The following UGT1A10 variants were observed in gnomAD, a reference collection of about 807,000 sequenced individuals.
UGT1A10 encodes the protein UDP glucuronosyltransferase family 1 member A10.
Under a neutral mutation model 45.8 loss-of-function variants are expected in UGT1A10, and 49 were observed. The ratio of observed to expected loss-of-function variants is 1.07; its 90% CI spans 0.85 to 1.36. The LOEUF (loss-of-function observed/expected upper bound fraction) is 1.36. Among genes scored for constraint, UGT1A10 ranks in the 40% most tolerant of loss-of-function variants. The probability of loss-of-function intolerance (pLI) is 0.00; values close to 1 mark genes in which losing one functional copy is unlikely to be tolerated. For synonymous variants in UGT1A10, 284 were observed against 249.7 expected, an observed-to-expected ratio of 1.14 and a Z score of -1.29; for missense variants, 745 against 668.6, an observed-to-expected ratio of 1.11 and a Z score of -1.26.
intron 1 of UGT1A10, among the ~76,000 whole-genome samples, chr2:233,639,604 G>A (rs1337128577): frequency 2.0e-5 from 3 of 152,006 alleles, no homozygotes; most frequent in South Asian, 2.1e-4. Flanking sequence ...ACATGTATGT[G>A]TTTGTGTATG....
intron 1 of UGT1A10, among the ~76,000 whole-genome samples, chr2:233,684,564 A>G (rs758881146): frequency 1.3e-5 from 2 of 152,244 alleles, no homozygotes; most frequent in Non-Finnish European, 2.9e-5. Flanking sequence ...AGAGAGATCT[A>G]TAAAATATGA....
At position 233,637,492 on chromosome 2, in the gene UGT1A10, C is replaced by A. The variant is rs528951665; in HGVS notation, c.855+115C>A. The A allele has an allele frequency of 3.6e-5, 53 of 1,492,588 alleles. No individual in the cohort carries two copies. In the South Asian group the frequency reaches 6.9e-4, roughly 19 times the overall value. 92.5% of individuals were successfully genotyped at this position (1,492,588 alleles called of 1,614,324 possible). ...GTTTGTTGCATTTCAAATTTCTTTCCAGTTTAACAAATTATTTTGTGCGAA... is the reference window on the plus strand; with the variant it reads ...GTTTGTTGCATTTCAAATTTCTTTCAAGTTTAACAAATTATTTTGTGCGAA... On this transcript the variant is annotated intron_variant, in intron 1 of 4. Transcript: ENST00000344644.
At chr2:233,718,979 C>G (rs143900667) in intron 1 of UGT1A10, 274 of 1,614,174 alleles carry the variant, frequency 1.7e-4, no homozygotes, top group East Asian at 1.0e-3. Flanking sequence ...AGCTCCATGC[C>G]AGAGGCCACC....
intron 2 of UGT1A10, 76 bp from the exon 3 acceptor site, chr2:233,767,773 C>G: frequency 6.2e-7 from 1 of 1,611,908 alleles, no homozygotes; most frequent in Admixed American, 1.7e-5. Flanking sequence ...CCCCTGTTTT[C>G]TAGTTAGTAT....
At chr2:233,660,540 C>T (rs2073941912) in intron 1 of UGT1A10, among the ~76,000 whole-genome samples, 1 of 152,144 alleles carries the variant, frequency 6.6e-6, no homozygotes, top group African/African-American at 2.4e-5. Flanking sequence ...TTGTACTGGC[C>T]TTCTTGTTCT....
intron 1 of UGT1A10, among the ~76,000 whole-genome samples, chr2:233,689,708 T>C (rs1575441834): frequency 6.6e-6 from 1 of 152,206 alleles, no homozygotes; most frequent in Non-Finnish European, 1.5e-5. Context: ...TTTCCCCTTA[T>C]CTGAGGTCTG....
At chr2:233,716,951 C>A (rs2076535717) in intron 1 of UGT1A10, among the ~76,000 whole-genome samples, 1 of 152,156 alleles carries the variant, frequency 6.6e-6, no homozygotes, top group Non-Finnish European at 1.5e-5. Flanking sequence ...TTCCCAGGCA[C>A]CAGGAATGTG....
chr2:233,698,051 C>G (rs902797385), intron 1 of UGT1A10, among the ~76,000 whole-genome samples: 1 of 152,112 alleles, frequency 6.6e-6, no homozygotes, highest in Non-Finnish European at 1.5e-5. Context: ...AAGTTGTACT[C>G]AGTTATATTG....
chr2:233,752,746 A>AAAAC lies in UGT1A10; in HGVS notation c.856-14265_856-14262dup, dbSNP rs200752387. Among the ~76,000 whole-genome samples the AAAAC allele has an allele frequency of 7.8e-3, 1,184 of 152,306 alleles. 57 individuals carry two copies. In the East Asian group the frequency reaches 0.13, roughly 17 times the overall value. On this transcript the variant is annotated intron_variant, in intron 1 of 4. Transcript: ENST00000344644. ...AGCTACAGAGAGAGACCCTGTCTCTAAAACAAACAAACAAACAAACAAACA... is the reference window on the plus strand; with the variant it reads ...AGCTACAGAGAGAGACCCTGTCTCTAAAACAAACAAACAAACAAACAAACAAACA...
chr2:233,736,519 G>A (rs746723553), intron 1 of UGT1A10, among the ~76,000 whole-genome samples: 27 of 152,186 alleles, frequency 1.8e-4, no homozygotes, highest in African/African-American at 5.3e-4. Context: ...CTGTCAACTC[G>A]TCAAAGTCAT....
rs548391374 is a variant in UGT1A10 at position 233,743,280 on chromosome 2, T to C, written c.856-23754T>C. The C allele has an allele frequency of 1.0e-5, 5 of 493,342 alleles. No homozygotes were observed. In the East Asian group the frequency reaches 3.5e-4, roughly 34 times the overall value. The allele number at this position is 493,342 out of a possible 1,614,324, so 30.6% of individuals were successfully genotyped here. The stretch of plus-strand genomic sequence containing the variant: ...CATCTTCCTCCACTTCCACCCTTTC[T>C]TGGCCATTCTCAATGATTCTCTTGG... On this transcript the variant is annotated intron_variant, in intron 1 of 4. Coordinates refer to ENST00000344644, the MANE Select transcript of UGT1A10 (RefSeq NM_019075.4).
In UGT1A10 at chr2:233,706,530, AAC is replaced by A. The variant is rs1236374777; in HGVS notation, c.856-60500_856-60499del. Among the ~76,000 whole-genome samples, 8 of 152,328 alleles carry A rather than the reference AAC, an allele frequency of 5.3e-5. No homozygotes were observed. The East Asian group carries it at 1.3e-3, about 26-fold the overall frequency. ...GCTGAGGATTTTACAGCGGCTTAGA[AAC>A]ACAGCTTTTTTTCTAGGTGTTTCTC... On this transcript the variant is annotated intron_variant, in intron 1 of 4. Transcript: ENST00000344644.
chr2:233,760,811 T>G (rs72551341), intron 1 of UGT1A10: 1 of 1,613,198 alleles, frequency 6.2e-7, no homozygotes, highest in South Asian at 1.1e-5. Context: ...TTGCATGCAC[T>G]GCCATGCAGC....
In UGT1A10 at chr2:233,660,853, T is replaced by C. The variant is rs140196528; in HGVS notation, c.855+23476T>C. Among the ~76,000 whole-genome samples the C allele has an allele frequency of 6.9e-3, 1,055 of 152,266 alleles. 28 individuals are homozygous for C. The highest frequency in any genetic ancestry group is 0.057 in the Admixed American group (866 of 15,270). On this transcript the variant is annotated intron_variant, in intron 1 of 4. Coordinates refer to ENST00000344644, the MANE Select transcript of UGT1A10 (RefSeq NM_019075.4). ...GGGGTCTGGGAAGTCACCTGCTACC[T>C]CTTGTTTGGCAGAAGTTGCTTCTGT...
chr2:233,747,562 T>C (rs1237868574), intron 1 of UGT1A10: 2 of 1,595,464 alleles, frequency 1.3e-6, no homozygotes, highest in South Asian at 1.1e-5. Context: ...ATGGCAATTT[T>C]GAAAAATTCA....
At chr2:233,679,494 A>G (rs1200585007) in intron 1 of UGT1A10, among the ~76,000 whole-genome samples, 1 of 152,178 alleles carries the variant, frequency 6.6e-6, no homozygotes, top group Non-Finnish European at 1.5e-5. Context: ...TTCCTGCCTT[A>G]CATTCTGGTG....
At position 233,747,700 on chromosome 2, in the gene UGT1A10, A is replaced by G. The variant is rs538337941; in HGVS notation, c.856-19334A>G. On this transcript the variant is annotated intron_variant, in intron 1 of 4. Transcript: ENST00000344644. ...TACCTCTGTGGGGCAGTGCTGGCTA[A>G]GTACCTATCAATTCCTGCTGTGTTT... 8 of 1,612,196 alleles carry G rather than the reference A, an allele frequency of 5.0e-6. No individual in the cohort carries two copies. In the East Asian group the frequency reaches 8.9e-5, roughly 18 times the overall value.
chr2:233,716,449 C>T (rs2125648185), intron 1 of UGT1A10, among the ~76,000 whole-genome samples: 1 of 152,152 alleles, frequency 6.6e-6, no homozygotes, highest in Admixed American at 6.5e-5. Context: ...TTCATTTGGC[C>T]ATTTAAATTT....
Position 233,719,440 on chromosome 2 carries a change from T to G in UGT1A10, c.856-47594T>G, listed in dbSNP as rs2076766565. The G allele has an allele frequency of 3.7e-6, 6 of 1,613,928 alleles. No individual in the cohort carries two copies. In the East Asian group the frequency reaches 1.3e-4, roughly 36 times the overall value. ...ACGACCAATTCAGACCACATGACAT[T>G]CCTGCAAAGGGTCAAGAACATGCTC... On this transcript the variant is annotated intron_variant, in intron 1 of 4. Coordinates refer to ENST00000344644, the MANE Select transcript of UGT1A10 (RefSeq NM_019075.4).
Sources: gnomAD v4.1 joint callset for allele counts (sites outside exome capture counted in the v4.1 genomes callset) on GRCh38, gnomAD v4.1.1 for gene constraint, MANE v1.5 for transcripts, NCBI Gene and HGNC (gene_info 2026-07-23, HGNC 2026-07-21) for gene names.